WDFY3: variants seen among roughly 807,000 people sequenced by gnomAD.
The protein encoded by WDFY3 is WD repeat and FYVE domain containing 3, also known as WD repeat and FYVE domain-containing protein 3.
In WDFY3, 66 loss-of-function variants were observed where a neutral mutation model predicts 409.6. The ratio of observed to expected loss-of-function variants is 0.16; its 90% CI spans 0.13 to 0.20. The LOEUF (loss-of-function observed/expected upper bound fraction) is 0.20. WDFY3 is among the 10% of genes least tolerant of loss of function. The probability of loss-of-function intolerance (pLI) is 1.00; values close to 1 mark genes in which losing one functional copy is unlikely to be tolerated. For missense variants in WDFY3, 3,031 were observed against 4,298.1 expected, an observed-to-expected ratio of 0.71 and a Z score of 8.24; for synonymous variants, 1,521 against 1,537.1, an observed-to-expected ratio of 0.99 and a Z score of 0.25.
At chr4:84,760,935 G>T (rs1484676712) in intron 32 of WDFY3, among the ~76,000 whole-genome samples, 2 of 145,600 alleles carry the variant, frequency 1.4e-5, no homozygotes, top group Admixed American at 6.9e-5. Flanking sequence ...TTTCTCTTGT[G>T]GGCATTTAGT....
intron 51 of WDFY3, 63 bp downstream of exon 51, chr4:84,713,096 T>C (rs1017837242): frequency 6.0e-5 from 93 of 1,546,908 alleles, no homozygotes; most frequent in Non-Finnish European, 7.8e-5. Flanking sequence ...AATAATACTG[T>C]CCAGATATGA....
chr4:84,705,659 T>C, intron 53 of WDFY3, 148 bp from the exon 54 acceptor site: 1 of 663,548 alleles, frequency 1.5e-6, no homozygotes, highest in Non-Finnish European at 2.7e-6. Flanking sequence ...TCCAAAATAA[T>C]GCTATATATG....
At chr4:84,914,647 A>G (rs1481989266) in intron 2 of WDFY3, among the ~76,000 whole-genome samples, 3 of 152,192 alleles carry the variant, frequency 2.0e-5, no homozygotes. Context: ...ACACCATTTA[A>G]CACCTATTAT....
In WDFY3 at chr4:84,779,484, C is replaced by T. The variant is rs115051009; in HGVS notation, c.4365+624G>A. 2.8e-3 allele frequency among the ~76,000 whole-genome samples: 423 copies of T among 151,826 alleles called. 4 individuals are homozygous for T. The highest frequency in any genetic ancestry group is 9.6e-3 in the African/African-American group (397 of 41,350). On this transcript the variant is annotated intron_variant, in intron 26 of 67. Transcript: ENST00000295888. ...CTGGAATGCAATGGCGCAATCTCGG[C>T]TTACTGCAGCCTCCGCCTTCCAGGT... is the stretch of plus-strand genomic sequence containing the variant.
chr4:84,858,409 C>A (rs868794678), intron 4 of WDFY3, among the ~76,000 whole-genome samples: 20 of 151,920 alleles, frequency 1.3e-4, no homozygotes, highest in African/African-American at 3.9e-4. Context: ...ATCTACTGAA[C>A]ATGAGACATA....
rs1170020255 is a variant in WDFY3, at chr4:84,774,886, A to T, written c.4688T>A (p.Ile1563Asn). Residue 1563 changes from isoleucine (I) to asparagine (N), a missense_variant, in exon 29 of 68, where the codon ATT becomes AAT. Ile to Asn is a moderately radical substitution (Grantham distance 149, BLOSUM62 -3). This residue lies in a region of WDFY3 where 342 missense variants were observed against 463.7 expected (regional missense o/e 0.74). Coordinates refer to ENST00000295888, the MANE Select transcript of WDFY3 (RefSeq NM_014991.6). Reference protein sequence around the residue: ...LRDMSLSQPTIAAISNVLSFL... With the variant: ...LRDMSLSQPTNAAISNVLSFL... ...GCTCAGGACATTACTAATAGCAGCAATAGTAGGCTGGGATAAAGACATATC... is the reference window on the plus strand; with the variant it reads ...GCTCAGGACATTACTAATAGCAGCATTAGTAGGCTGGGATAAAGACATATC... 6.2e-7 allele frequency: 1 copy of T among 1,614,040 alleles called. No individual in the cohort carries two copies. Among genetic ancestry groups the T allele is most frequent in the Non-Finnish European group, 8.5e-7 (1 of 1,179,932 alleles).
At chr4:84,915,036 C>T (rs1768294062) in intron 2 of WDFY3, among the ~76,000 whole-genome samples, 1 of 152,058 alleles carries the variant, frequency 6.6e-6, no homozygotes, top group African/African-American at 2.4e-5. Flanking sequence ...ATACATGAAC[C>T]TTGAAAAGAT....
chr4:84,679,342 T>C (rs1391992580), intron 64 of WDFY3, 100 bp from the exon 65 acceptor site: 9 of 1,178,960 alleles, frequency 7.6e-6, no homozygotes, highest in East Asian at 2.8e-5. Flanking sequence ...TAAGCCTCTA[T>C]AGACATAATA....
intron 43 of WDFY3, among the ~76,000 whole-genome samples, chr4:84,733,977 C>T (rs992537294): frequency 3.3e-5 from 5 of 152,072 alleles, no homozygotes; most frequent in Admixed American, 6.6e-5. Context: ...TAAGGATACA[C>T]CAAACTGTAA....
chr4:84,844,180 G>C (rs185788985), intron 5 of WDFY3, among the ~76,000 whole-genome samples: 53 of 152,246 alleles, frequency 3.5e-4, no homozygotes, highest in African/African-American at 1.3e-3. Context: ...AGAACAACCA[G>C]AATGCAAAAC....
Position 84,736,673 on chromosome 4 carries a change from A to T in WDFY3, c.6758-346T>A, listed in dbSNP as rs1055061959. Among the ~76,000 whole-genome samples, 14 of 152,194 alleles carry T rather than the reference A, an allele frequency of 9.2e-5. 1 individual carries two copies. Among genetic ancestry groups the T allele is most frequent in the Admixed American group, 7.9e-4 (12 of 15,282 alleles). ...CAACTTAGAAACTATTTGGATTTTTAAAAGGCTATACAGCTTATACACTAG... is the reference window on the plus strand; with the variant it reads ...CAACTTAGAAACTATTTGGATTTTTTAAAGGCTATACAGCTTATACACTAG... On this transcript the variant is annotated intron_variant, in intron 41 of 67. Transcript: ENST00000295888.
chr4:84,942,122 T>C (rs925517029), intron 1 of WDFY3, among the ~76,000 whole-genome samples: 5 of 152,068 alleles, frequency 3.3e-5, no homozygotes, highest in South Asian at 2.1e-4. Context: ...GGGAAAATCA[T>C]TGTTACTTTG....
chr4:84,759,153 A>G (rs1189102547), intron 32 of WDFY3, among the ~76,000 whole-genome samples: 3 of 152,128 alleles, frequency 2.0e-5, no homozygotes, highest in Non-Finnish European at 1.5e-5. Flanking sequence ...GTTCTGTTCC[A>G]TTGATCTATA....
In WDFY3 at chr4:84,702,465, C is replaced by T; in HGVS notation, c.8484G>A (p.Val2828=). The stretch of plus-strand genomic sequence containing the variant: ...TTGACGCTGAATACCAGGCCTCGCG[C>T]ACACTGTGAAACATCCGGTCAGCCA... The part of the protein sequence containing the change: ...FDLADRMFHS[V]REAWYSASKH... Residue 2828 remains valine (V), a synonymous_variant, in exon 56 of 68, where the codon GTG becomes GTA. Coordinates refer to ENST00000295888, the MANE Select transcript of WDFY3 (RefSeq NM_014991.6). 4 of 1,613,472 alleles carry T rather than the reference C, an allele frequency of 2.5e-6. No individual in the cohort carries two copies. Among genetic ancestry groups the T allele is most frequent in the Non-Finnish European group, 3.4e-6 (4 of 1,179,846 alleles).
chr4:84,755,053 T>C (rs568616191), intron 34 of WDFY3, among the ~76,000 whole-genome samples: 4 of 152,220 alleles, frequency 2.6e-5, no homozygotes, highest in Admixed American at 2.0e-4. Context: ...AGAGGTGAGA[T>C]TTTAACCCAG....
rs114170392 is a variant in WDFY3 at position 84,738,854 on chromosome 4, T to A, written c.6574+156A>T. On this transcript the variant is annotated intron_variant, in intron 40 of 67. Coordinates refer to ENST00000295888, the MANE Select transcript of WDFY3 (RefSeq NM_014991.6). ...GCAATATTACTGGTTAGTGCTTTACTGTTATTGGCATGAGGAGACTCTTTA... is the reference window on the plus strand; with the variant it reads ...GCAATATTACTGGTTAGTGCTTTACAGTTATTGGCATGAGGAGACTCTTTA... 3.2e-3 allele frequency among the ~76,000 whole-genome samples: 491 copies of A among 152,346 alleles called. 1 individual carries two copies. Among genetic ancestry groups the A allele is most frequent in the Non-Finnish European group, 5.0e-3 (338 of 68,030 alleles).
chr4:84,891,588 A>G (rs1258740870), intron 3 of WDFY3, among the ~76,000 whole-genome samples: 2 of 152,186 alleles, frequency 1.3e-5, no homozygotes, highest in Non-Finnish European at 2.9e-5. Flanking sequence ...ACACCATGAT[A>G]AATATAAGAA....
intron 58 of WDFY3, among the ~76,000 whole-genome samples, chr4:84,693,895 CAAAA>C (rs35165784): frequency 3.7e-5 from 3 of 80,026 alleles, no homozygotes; most frequent in Non-Finnish European, 6.0e-5. Context: ...GACTCCGTCT[CAAAA>C]AAAAAAAAAA....
intron 6 of WDFY3, among the ~76,000 whole-genome samples, chr4:84,838,674 T>A (rs1460245269): frequency 1.3e-4 from 20 of 152,184 alleles, no homozygotes; most frequent in Non-Finnish European, 2.2e-4. Context: ...ACATACCATT[T>A]CTTGTCTCAA....
Sources: gnomAD v4.1 joint callset for allele counts (sites outside exome capture counted in the v4.1 genomes callset) on GRCh38, gnomAD v4.1.1 for gene constraint, gnomAD v4.1.1 regional missense constraint, MANE v1.5 for transcripts, NCBI Gene and HGNC (gene_info 2026-07-23, HGNC 2026-07-21) for gene names.